Variants in ZIC5 observed in about 807,000 individuals in gnomAD.
ZIC5 encodes zinc finger protein ZIC 5.
A neutral mutation model predicts 28.5 loss-of-function variants in ZIC5; 20 were observed. The observed-to-expected ratio is 0.70, with a 90% CI of 0.49 to 1.02. The LOEUF (loss-of-function observed/expected upper bound fraction) is 1.02. ZIC5 is among the 50% of genes least tolerant of loss of function. The probability of loss-of-function intolerance (pLI) is 0.00; values close to 1 mark genes in which losing one functional copy is unlikely to be tolerated. For missense variants in ZIC5, 951 were observed against 899.7 expected (o/e 1.06, Z -0.73); for synonymous variants, 488 against 410.4 (o/e 1.19, Z -2.29).
In ZIC5 at chr13:99,970,383, G is replaced by A. The variant is rs1262101790; in HGVS notation, c.1221C>T (p.Cys407=). The change falls in exon 1 of 2, where the codon TGC becomes TGT. Residue 407 remains cysteine (C), a synonymous_variant. Transcript: ENST00000267294. ...PPPPAGGAKP[C]SKTFGTMHEL... is the part of the protein sequence containing the mutation. ...CGTGCATGGTGCCGAAAGTTTTGGA[G>A]CAGGGCTTGGCGCCGCCGGCCGGGG... The A allele has an allele frequency of 6.9e-6, 10 of 1,447,158 alleles. No homozygotes were observed. The highest frequency in any genetic ancestry group is 2.0e-5 in the Admixed American group (1 of 48,850). The allele number at this position is 1,447,158 out of a possible 1,614,324, so 89.6% of individuals were successfully genotyped here.
At position 99,970,399 on chromosome 13, in the gene ZIC5, C is replaced by T; in HGVS notation, c.1205G>A (p.Gly402Asp). 1.2e-5 allele frequency: 15 copies of T among 1,283,796 alleles called. No homozygotes were observed. Among genetic ancestry groups the T allele is most frequent in the Non-Finnish European group, 1.4e-5 (14 of 1,006,782 alleles). The allele number at this position is 1,283,796 out of a possible 1,614,324, so 79.5% of individuals were successfully genotyped here. The change falls in exon 1 of 2, where the codon GGC becomes GAC. Residue 402 changes from glycine to aspartate, a missense_variant. By Grantham distance (94) the Gly-to-Asp change is moderately conservative. Coordinates refer to ENST00000267294, the MANE Select transcript of ZIC5 (RefSeq NM_033132.5). ...AGTTTTGGAGCAGGGCTTGGCGCCGCCGGCCGGGGGCGGTGGCGGCGGCGG... is the reference window on the plus strand; with the variant it reads ...AGTTTTGGAGCAGGGCTTGGCGCCGTCGGCCGGGGGCGGTGGCGGCGGCGG... Reference protein sequence around the residue: ...PPPPPPPPPAGGAKPCSKTFG... With the variant: ...PPPPPPPPPADGAKPCSKTFG...
rs978780701 is a variant in ZIC5, at chr13:99,971,124, G to A, written c.480C>T (p.Gly160=). 3 of 1,427,094 alleles carry A rather than the reference G, an allele frequency of 2.1e-6. No homozygotes were observed. The highest frequency in any genetic ancestry group is 3.1e-5 in the East Asian group (1 of 32,678). The allele number at this position is 1,427,094 out of a possible 1,614,324, so 88.4% of individuals were successfully genotyped here. A position where few individuals can be genotyped will look rare whatever the true frequency, so the allele number is the denominator to read the frequency against. The stretch of plus-strand genomic sequence containing the variant: ...GGCCTTTGCCGCTGCTGCCGCCGCC[G>A]CCACTGTTGGTGGTGGTGTAGCCCG... ...ALSGYTTTNS[G]GGGSSGKGHS... Residue 160 remains glycine, a synonymous_variant, in exon 1 of 2, where the codon GGC becomes GGT. Transcript: ENST00000267294.
Position 99,971,369 on chromosome 13 carries a change from C to A in ZIC5, c.235G>T (p.Gly79Cys), listed in dbSNP as rs1195774226. The change falls in exon 1 of 2, where the codon GGC becomes TGC. Residue 79 changes from glycine (G) to cysteine (C), a missense_variant. By Grantham distance (159) the Gly-to-Cys change is radical. Coordinates refer to ENST00000267294, the MANE Select transcript of ZIC5 (RefSeq NM_033132.5). Reference sequence around the variant, plus strand: ...AACGCCTGGGAGGGAGGGCTGAGGCCCAGCGTGCTCGCCTGGGCCATGTGC... The same window carrying A: ...AACGCCTGGGAGGGAGGGCTGAGGCACAGCGTGCTCGCCTGGGCCATGTGC... ...PEHMAQASTL[G>C]LSPPSQAFPA... 6.8e-7 allele frequency: 1 copy of A among 1,467,530 alleles called. No homozygotes were observed. Among genetic ancestry groups the A allele is most frequent in the Non-Finnish European group, 8.9e-7 (1 of 1,120,800 alleles). 90.9% of individuals were successfully genotyped at this position (1,467,530 alleles called of 1,614,324 possible).
rs570311438 is a variant in ZIC5 at position 99,968,618 on chromosome 13, G to A, written c.1477+1509C>T. 6.3e-3 allele frequency among the ~76,000 whole-genome samples: 959 copies of A among 152,228 alleles called. 9 individuals are homozygous for A. The highest frequency in any genetic ancestry group is 0.011 in the Non-Finnish European group (758 of 67,990). On this transcript the variant is annotated intron_variant, in intron 1 of 1. Transcript: ENST00000267294. ...CGGGAAGGGCCCTAGGCCGCGCGCG[G>A]CCCCGCGCTTGGGAGTTCCCTTTCG...
Position 99,963,539 on chromosome 13 carries a change from ATATATC to A in ZIC5, c.*1832_*1837del, listed in dbSNP as rs2053072717. 6.6e-6 allele frequency: 1 copy of A among 152,520 alleles called. No homozygotes were observed. Among genetic ancestry groups the A allele is most frequent in the African/African-American group, 2.4e-5 (1 of 41,388 alleles). 9.4% of individuals were successfully genotyped at this position (152,520 alleles called of 1,614,324 possible). ...CACCATGCACTGTACTAGTAATATA[ATATATC>A]TATAAACTATATATAATCTTATCAA... On this transcript the variant is annotated 3_prime_UTR_variant, in exon 2 of 2. Coordinates refer to ENST00000267294, the MANE Select transcript of ZIC5 (RefSeq NM_033132.5).
intron 1 of ZIC5, among the ~76,000 whole-genome samples, chr13:99,969,782 T>C (rs1356314683): frequency 6.6e-6 from 1 of 152,132 alleles, no homozygotes; most frequent in Non-Finnish European, 1.5e-5. Context: ...CCTGGGCGCC[T>C]TCCTGCTCCA....
At position 99,965,024 on chromosome 13, in the gene ZIC5, T is replaced by C. The variant is rs1359317834; in HGVS notation, c.*353A>G. On this transcript the variant is annotated 3_prime_UTR_variant, in exon 2 of 2. Transcript: ENST00000267294. ...AAAAAATAATATATATATATATGTA[T>C]ATATATATATATATATATATTGCAT... 1.4e-5 allele frequency: 1 copy of C among 73,966 alleles called. No individual in the cohort carries two copies. The highest frequency in any genetic ancestry group is 1.1e-4 in the Admixed American group (1 of 9,154). 4.6% of individuals were successfully genotyped at this position (73,966 alleles called of 1,614,324 possible).
rs2053084686 is a variant in ZIC5, at chr13:99,964,846, C to T, written c.*531G>A. 1 of 152,136 alleles carries T rather than the reference C, an allele frequency of 6.6e-6. No homozygotes were observed. Among genetic ancestry groups the T allele is most frequent in the Non-Finnish European group, 1.5e-5 (1 of 67,956 alleles). The allele number at this position is 152,136 out of a possible 1,614,324, so 9.4% of individuals were successfully genotyped here. ...ATGCAGCAGGTGTGTGGTTTACAATCAAGAGGCCTTGGCAGAATTAGGGTC... is the reference window on the plus strand; with the variant it reads ...ATGCAGCAGGTGTGTGGTTTACAATTAAGAGGCCTTGGCAGAATTAGGGTC... On this transcript the variant is annotated 3_prime_UTR_variant, in exon 2 of 2. Coordinates refer to ENST00000267294, the MANE Select transcript of ZIC5 (RefSeq NM_033132.5).
Position 99,970,840 on chromosome 13 carries a change from C to T in ZIC5, c.764G>A (p.Gly255Asp), listed in dbSNP as rs1341953411. 11 of 1,244,400 alleles carry T rather than the reference C, an allele frequency of 8.8e-6. No individual in the cohort carries two copies. The highest frequency in any genetic ancestry group is 3.3e-5 in the South Asian group (1 of 30,598). 77.1% of individuals were successfully genotyped at this position (1,244,400 alleles called of 1,614,324 possible). Reference protein sequence around the residue: ...APGGHPHPLNGQMRLGLAAAA... With the variant: ...APGGHPHPLNDQMRLGLAAAA... ...CGCCGCCAGCCCCAGGCGCATCTGG[C>T]CGTTGAGCGGGTGCGGGTGGCCGCC... The change falls in exon 1 of 2, where the codon GGC (glycine) becomes GAC (aspartate). Residue 255 changes from glycine (G) to aspartate (D), a missense_variant. Physicochemically the swap from Gly to Asp is moderately conservative, Grantham distance 94. Coordinates refer to ENST00000267294, the MANE Select transcript of ZIC5 (RefSeq NM_033132.5).
intron 1 of ZIC5, 61 bp downstream of exon 1, chr13:99,970,066 A>AGCG (rs1238782773): frequency 3.1e-6 from 5 of 1,594,474 alleles, no homozygotes; most frequent in East Asian, 2.3e-5. Context: ...CAGCGGCGGA[A>AGCG]GCGGCGGCGG....
intron 1 of ZIC5, among the ~76,000 whole-genome samples, chr13:99,967,363 C>A (rs1049070571): frequency 6.6e-6 from 1 of 152,192 alleles, no homozygotes; most frequent in Non-Finnish European, 1.5e-5. Context: ...AGAGAAAAAA[C>A]AACCCCATGA....
chr13:99,970,959 G>A lies in ZIC5; in HGVS notation c.645C>T (p.Gly215=). 7.1e-7 allele frequency: 1 copy of A among 1,399,422 alleles called. No homozygotes were observed. The highest frequency in any genetic ancestry group is 9.2e-7 in the Non-Finnish European group (1 of 1,088,400). The allele number at this position is 1,399,422 out of a possible 1,614,324, so 86.7% of individuals were successfully genotyped here. A position where few individuals can be genotyped will look rare whatever the true frequency, so the allele number is the denominator to read the frequency against. ...QHPAPPPHSA[G]MFISASGTYA... ...AGGTGCCGCTGGCGGAGATGAACAT[G>A]CCGGCCGAGTGGGGAGGCGGGGCCG... Residue 215 remains glycine (G), a synonymous_variant, in exon 1 of 2, where the codon GGC becomes GGT. Coordinates refer to ENST00000267294, the MANE Select transcript of ZIC5 (RefSeq NM_033132.5).
intron 1 of ZIC5, among the ~76,000 whole-genome samples, chr13:99,969,440 A>G (rs2053128402): frequency 6.6e-6 from 1 of 151,710 alleles, no homozygotes; most frequent in Non-Finnish European, 1.5e-5. Context: ...AATGGGGTGC[A>G]CGCGCAGGAG....
At chr13:99,971,793 G>C, upstream of ZIC5, 2 of 1,355,730 alleles carry the variant, frequency 1.5e-6, no homozygotes, top group Admixed American at 2.3e-5. Flanking sequence ...GCTGCACAGT[G>C]GGACCGAGAT....
At position 99,971,696 on chromosome 13, in the gene ZIC5, A is replaced by G; in HGVS notation, c.-93T>C. 1 of 1,551,522 alleles carries G rather than the reference A, an allele frequency of 6.4e-7. No homozygotes were observed. The highest frequency in any genetic ancestry group is 8.7e-7 in the Non-Finnish European group (1 of 1,147,164). On this transcript the variant is annotated 5_prime_UTR_variant, in exon 1 of 2. Transcript: ENST00000267294. ...AACATGTATGTATTGGGCGCTCTTT[A>G]ACTTCTTTTGTCCTGGCCTCTTAAC...
In ZIC5 at chr13:99,970,296, G is replaced by C; in HGVS notation, c.1308C>G (p.Cys436Trp). The C allele has an allele frequency of 6.2e-7, 1 of 1,613,632 alleles. No homozygotes were observed. The highest frequency in any genetic ancestry group is 8.5e-7 in the Non-Finnish European group (1 of 1,179,772). The change falls in exon 1 of 2, where the codon TGC becomes TGG. Residue 436 changes from cysteine (C) to tryptophan (W), a missense_variant. Coordinates refer to ENST00000267294, the MANE Select transcript of ZIC5 (RefSeq NM_033132.5). ...CCTCGCGCGGACAGTCCTCCCAGAA[G>C]CAGACGTGGCTGCTCTGCTCGGGGC... ...VGGPEQSSHV[C>W]FWEDCPREGK...
rs184726987 is a variant in ZIC5, at chr13:99,971,749, C to T, written c.-146G>A. ...TGCTTATTCCTGTTCCCACTCTATCCTCCAGCGATTGGCAGAGTGAACACC... is the reference window on the plus strand; with the variant it reads ...TGCTTATTCCTGTTCCCACTCTATCTTCCAGCGATTGGCAGAGTGAACACC... On this transcript the variant is annotated 5_prime_UTR_variant, in exon 1 of 2. Coordinates refer to ENST00000267294, the MANE Select transcript of ZIC5 (RefSeq NM_033132.5). The T allele has an allele frequency of 1.4e-4, 215 of 1,533,132 alleles. No individual in the cohort carries two copies. The African/African-American group carries it at 2.6e-3, about 19-fold the overall frequency. The allele number at this position is 1,533,132 out of a possible 1,614,324, so 95.0% of individuals were successfully genotyped here.
Position 99,970,680 on chromosome 13 carries a change from T to C in ZIC5, c.924A>G (p.Leu308=). 1 of 1,195,374 alleles carries C rather than the reference T, an allele frequency of 8.4e-7. No individual in the cohort carries two copies. 74.0% of individuals were successfully genotyped at this position (1,195,374 alleles called of 1,614,324 possible). Reference sequence around the variant, plus strand: ...CCGCCGCAGCCGCCAGGTTCAGGTTTAAGTTCACGGCTCCGTAGCCGTGCA... The same window carrying C: ...CCGCCGCAGCCGCCAGGTTCAGGTTCAAGTTCACGGCTCCGTAGCCGTGCA... The part of the protein sequence containing the change: ...AALHGYGAVN[L]NLNLAAAAAA... The change falls in exon 1 of 2, where the codon TTA becomes TTG. Residue 308 remains leucine, a synonymous_variant. Coordinates refer to ENST00000267294, the MANE Select transcript of ZIC5 (RefSeq NM_033132.5).
chr13:99,969,814 A>AGGTGGC (rs1227134145), intron 1 of ZIC5, among the ~76,000 whole-genome samples: 33 of 151,908 alleles, frequency 2.2e-4, no homozygotes, highest in African/African-American at 7.5e-4. Flanking sequence ...GTCTGCTCCG[A>AGGTGGC]GGTGGCGGCG....
Sources: allele counts gnomAD v4.1 joint callset (sites outside exome capture counted in the v4.1 genomes callset), GRCh38; gene constraint gnomAD v4.1.1; transcripts MANE v1.5; gene names NCBI Gene and HGNC (gene_info 2026-07-23, HGNC 2026-07-21).